Variants in TRIM62 observed in about 807,000 individuals in gnomAD.
TRIM62 encodes the protein tripartite motif containing 62, also known as E3 ubiquitin-protein ligase TRIM62.
Under a neutral mutation model 44.2 loss-of-function variants are expected in TRIM62, and 39 were observed. That is an observed-to-expected ratio of 0.88 (90% CI 0.68 to 1.15). The LOEUF (loss-of-function observed/expected upper bound fraction) is 1.15, where lower values mean the gene tolerates loss of function less well. Ranked by LOEUF, TRIM62 falls within the 50% of genes most tolerant of loss-of-function variation. The pLI, the probability that TRIM62 is intolerant of heterozygous loss-of-function variation, is 0.00. For synonymous variants in TRIM62, 278 were observed against 292.3 expected, an observed-to-expected ratio of 0.95 and a Z score of 0.50; for missense variants, 544 against 665.5, an observed-to-expected ratio of 0.82 and a Z score of 2.01.
At chr1:33,150,169 G>A (rs1645076920) in intron 4 of TRIM62, among the ~76,000 whole-genome samples, 1 of 152,248 alleles carries the variant, frequency 6.6e-6, no homozygotes, top group Non-Finnish European at 1.5e-5. Flanking sequence ...GCAACAGCAA[G>A]ACAGAGATGA....
At chr1:33,166,754 C>A (rs1450473836) in intron 1 of TRIM62, among the ~76,000 whole-genome samples, 2 of 152,152 alleles carry the variant, frequency 1.3e-5, no homozygotes, top group Non-Finnish European at 2.9e-5. Context: ...ATCCACAACA[C>A]ACAAGATATC....
intron 1 of TRIM62, chr1:33,176,612 C>T (rs1481165155): frequency 7.9e-6 from 4 of 508,766 alleles, no homozygotes; most frequent in East Asian, 3.0e-5. Context: ...CACCTGCCCT[C>T]GGGGCGTCAG....
intron 2 of TRIM62, among the ~76,000 whole-genome samples, chr1:33,160,484 A>C (rs1645250311): frequency 6.6e-6 from 1 of 152,032 alleles, no homozygotes; most frequent in Admixed American, 6.5e-5. Context: ...GGATCATTGC[A>C]ACCTCCACCT....
At chr1:33,170,044 CCGGG>C (rs1645360929) in intron 1 of TRIM62, among the ~76,000 whole-genome samples, 1 of 152,128 alleles carries the variant, frequency 6.6e-6, no homozygotes, top group Non-Finnish European at 1.5e-5. Flanking sequence ...CCCTACTAGG[CCGGG>C]CACAGTGGCT....
chr1:33,146,896 A>C lies in TRIM62; in HGVS notation c.*281T>G. The C allele has an allele frequency of 2.2e-6, 1 of 448,800 alleles. No homozygotes were observed. The highest frequency in any genetic ancestry group is 4.0e-6 in the Non-Finnish European group (1 of 247,040). The allele number at this position is 448,800 out of a possible 1,614,324, so 27.8% of individuals were successfully genotyped here. On this transcript the variant is annotated 3_prime_UTR_variant, in exon 5 of 5. Transcript: ENST00000291416. The stretch of plus-strand genomic sequence containing the variant: ...GTCCCCTGCCCCTGAGAAGATGGGG[A>C]TGAGGGTTGGGCAGGGGTTGCCCTG...
rs1645319805 is a variant in TRIM62, at chr1:33,165,511, T to TC, written c.463dup (p.Glu155GlyfsTer37). The stretch of plus-strand genomic sequence containing the variant: ...TTGTCGCTTGAGCAGCTGCAGCGCT[T>TC]CGGTGTGTTCCCGCTCGCTGTCTTG... On this transcript the variant is annotated frameshift_variant, in exon 2 of 5. Coordinates refer to ENST00000291416, the MANE Select transcript of TRIM62 (RefSeq NM_018207.3). LOFTEE classifies it high-confidence loss of function. This position sits in a 1 kb window ranked among gnomAD's most constrained non-coding sequence, Gnocchi z 4.0. 6.2e-7 allele frequency: 1 copy of TC among 1,610,446 alleles called. No homozygotes were observed. Among genetic ancestry groups the TC allele is most frequent in the Non-Finnish European group, 8.5e-7 (1 of 1,178,582 alleles).
chr1:33,181,067 C>G lies in TRIM62; in HGVS notation c.366G>C (p.Gln122His), dbSNP rs539254578. The stretch of plus-strand genomic sequence containing the variant: ...CGTCGTCGATGCCGGTGACCTGATG[C>G]TGCTCGTGCAGTGCAGGCTCGTCGC... ...FFCDEPALHE[Q>H]HQVTGIDDAF... is the part of the protein sequence containing the mutation. The change falls in exon 1 of 5, where the codon CAG (glutamine) becomes CAC (histidine). Residue 122 changes from glutamine (Q) to histidine (H), a missense_variant. By Grantham distance (24) the Gln-to-His change is conservative (BLOSUM62 0). Coordinates refer to ENST00000291416, the MANE Select transcript of TRIM62 (RefSeq NM_018207.3). This position sits in a 1 kb window ranked among gnomAD's most constrained non-coding sequence, Gnocchi z 6.5. 1 of 1,598,708 alleles carries G rather than the reference C, an allele frequency of 6.3e-7. No individual in the cohort carries two copies. Among genetic ancestry groups the G allele is most frequent in the Non-Finnish European group, 8.5e-7 (1 of 1,178,312 alleles).
In TRIM62 at chr1:33,145,813, G is replaced by A; in HGVS notation, c.*1364C>T. 1 of 468,560 alleles carries A rather than the reference G, an allele frequency of 2.1e-6. No homozygotes were observed. The allele number at this position is 468,560 out of a possible 1,614,324, so 29.0% of individuals were successfully genotyped here. On this transcript the variant is annotated 3_prime_UTR_variant, in exon 5 of 5. Transcript: ENST00000291416. ...GAGTTCTTCACGATTGGATGCTGTG[G>A]CAGAAAAACGCAGGTGGGGCTTGCT...
chr1:33,153,362 C>T (rs1187495062), intron 4 of TRIM62, among the ~76,000 whole-genome samples: 1 of 152,228 alleles, frequency 6.6e-6, no homozygotes. Flanking sequence ...TCCCTCAGCT[C>T]CTCTCTGGCA....
chr1:33,151,336 A>G (rs1645095063), intron 4 of TRIM62, among the ~76,000 whole-genome samples: 1 of 151,854 alleles, frequency 6.6e-6, no homozygotes, highest in Non-Finnish European at 1.5e-5. Context: ...GTGTGGCCTG[A>G]CTCTTAGGAG....
rs1319649940 is a variant in TRIM62 at position 33,159,756 on chromosome 1, G to A, written c.693C>T (p.Ile231=). 6.2e-7 allele frequency: 1 copy of A among 1,613,456 alleles called. No individual in the cohort carries two copies. The highest frequency in any genetic ancestry group is 8.5e-7 in the Non-Finnish European group (1 of 1,179,958). Residue 231 remains isoleucine (I), a synonymous_variant, in exon 3 of 5, where the codon ATC becomes ATT. Coordinates refer to ENST00000291416, the MANE Select transcript of TRIM62 (RefSeq NM_018207.3). The surrounding 1 kb of genome is among the most constrained non-coding windows in gnomAD (Gnocchi z 4.2). The part of the protein sequence containing the change: ...QLRKVQEGAQ[I]LQERLAETDR... ...CGGTTTCAGCCAGCCGCTCCTGCAG[G>A]ATCTGGGCTCCCTCCTGGACCTTGC...
chr1:33,175,904 T>C (rs992006870), intron 1 of TRIM62, among the ~76,000 whole-genome samples: 2 of 152,206 alleles, frequency 1.3e-5, no homozygotes, highest in East Asian at 3.8e-4. Flanking sequence ...ACCAGGTCTT[T>C]TTTCTTTCTA....
chr1:33,166,905 TTTTGA>T (rs1484365447), intron 1 of TRIM62, among the ~76,000 whole-genome samples: 2 of 152,210 alleles, frequency 1.3e-5, no homozygotes, highest in Non-Finnish European at 2.9e-5. Context: ...TTTGCATTAA[TTTTGA>T]TTTAAGAAAT....
chr1:33,149,523 T>C (rs923824370), intron 4 of TRIM62, among the ~76,000 whole-genome samples: 3 of 152,172 alleles, frequency 2.0e-5, no homozygotes, highest in African/African-American at 7.2e-5. Context: ...AGTGTCATCA[T>C]AGCTCATTGG....
intron 2 of TRIM62, chr1:33,163,693 G>A (rs1329319372): frequency 6.6e-6 from 1 of 152,422 alleles, no homozygotes; most frequent in Non-Finnish European, 1.5e-5. Context: ...CCCCGCCAGG[G>A]CGCCGACCAA....
chr1:33,175,031 T>TATGTATATGTATATGTATATGTA (rs1161088243), intron 1 of TRIM62, among the ~76,000 whole-genome samples: 1,675 of 147,130 alleles, frequency 0.011, 37 homozygotes, highest in African/African-American at 0.029. Context: ...ATGTATATGT[T>TATGTATATGTATATGTATATGTA]TATGTATATG....
intron 1 of TRIM62, among the ~76,000 whole-genome samples, chr1:33,170,977 G>C (rs958957166): frequency 6.6e-6 from 1 of 152,218 alleles, no homozygotes; most frequent in Non-Finnish European, 1.5e-5. Flanking sequence ...CGGCTCCCTA[G>C]TCGCTTCTTT....
chr1:33,160,045 G>A, intron 2 of TRIM62, 101 bp from the exon 3 acceptor site: 1 of 1,471,570 alleles, frequency 6.8e-7, no homozygotes, highest in South Asian at 1.3e-5. Flanking sequence ...GAGAGGAAAG[G>A]GTGGGAAAGG....
chr1:33,159,557 C>G lies in TRIM62; in HGVS notation c.761+131G>C. 7.5e-7 allele frequency: 1 copy of G among 1,338,526 alleles called. No homozygotes were observed. Among genetic ancestry groups the G allele is most frequent in the Non-Finnish European group, 9.9e-7 (1 of 1,006,768 alleles). 82.9% of individuals were successfully genotyped at this position (1,338,526 alleles called of 1,614,324 possible). On this transcript the variant is annotated intron_variant, in intron 3 of 4. Coordinates refer to ENST00000291416, the MANE Select transcript of TRIM62 (RefSeq NM_018207.3). This position sits in a 1 kb window ranked among gnomAD's most constrained non-coding sequence, Gnocchi z 4.2. ...ATGCTCCTACCCATAGCAGATGTCC[C>G]GTAAATGTTTGATGAAGATTTGAAT...
Sources: allele counts gnomAD v4.1 joint callset (sites outside exome capture counted in the v4.1 genomes callset), GRCh38; gene constraint gnomAD v4.1.1; non-coding constraint Gnocchi (gnomAD v3.1); transcripts MANE v1.5; gene names NCBI Gene and HGNC (gene_info 2026-07-23, HGNC 2026-07-21).